MTCH1: variants seen among roughly 807,000 people sequenced by gnomAD.
MTCH1 encodes the protein mitochondrial carrier 1.
MTCH1 carries 23 observed loss-of-function variants against 49.3 expected under a neutral mutation model. That is an observed-to-expected ratio of 0.47 (90% CI 0.34 to 0.66). The LOEUF is 0.66. MTCH1 is among the 30% of genes least tolerant of loss of function. The pLI, the probability that MTCH1 is intolerant of heterozygous loss-of-function variation, is 0.01. For synonymous variants in MTCH1, 229 were observed against 215.2 expected (o/e 1.06, Z -0.56); for missense variants, 397 against 532.1 (o/e 0.75, Z 2.50).
At position 36,977,875 on chromosome 6, in the gene MTCH1, G is replaced by A. The variant is rs1763946430; in HGVS notation, c.592-184C>T. Among the ~76,000 whole-genome samples, 2 of 152,164 alleles carry A rather than the reference G, an allele frequency of 1.3e-5. No homozygotes were observed. The highest frequency in any genetic ancestry group is 2.9e-5 in the Non-Finnish European group (2 of 68,016). ...GTCCCCCACCCAGGAGTGCTGTCGG[G>A]TCCCAGGCTAGGCCCAACAATGGCT... On this transcript the variant is annotated intron_variant, in intron 4 of 11. Coordinates refer to ENST00000373627, the MANE Select transcript of MTCH1 (RefSeq NM_001271641.2). This position sits in a 1 kb window ranked among gnomAD's most constrained non-coding sequence, Gnocchi z 5.4.
chr6:36,969,098 G>T, intron 11 of MTCH1, 124 bp from the exon 12 acceptor site: 1 of 1,455,942 alleles, frequency 6.9e-7, no homozygotes, highest in Non-Finnish European at 9.0e-7. Flanking sequence ...CGGGGTGGAC[G>T]GCCTCGGCCT....
Position 36,972,897 on chromosome 6 carries a change from C to T in MTCH1, c.762-101G>A, listed in dbSNP as rs1763732316. 8.2e-7 allele frequency: 1 copy of T among 1,218,272 alleles called. No individual in the cohort carries two copies. The highest frequency in any genetic ancestry group is 2.3e-5 in the Admixed American group (1 of 43,878). 75.5% of individuals were successfully genotyped at this position (1,218,272 alleles called of 1,614,324 possible). On this transcript the variant is annotated intron_variant, in intron 7 of 11. Transcript: ENST00000373627. This position sits in a 1 kb window ranked among gnomAD's most constrained non-coding sequence, Gnocchi z 4.1. The stretch of plus-strand genomic sequence containing the variant: ...GGCAGGGATGTTCCGAGCTCAAAAT[C>T]TTAGCATATCCAATGGCACAGCCTT...
chr6:36,978,643 C>A (rs776735157), intron 2 of MTCH1, 32 bp from the exon 3 acceptor site: 15 of 1,602,458 alleles, frequency 9.4e-6, no homozygotes, highest in East Asian at 2.2e-5. Flanking sequence ...AGAGGAGTCA[C>A]ACCCAGTTCA....
intron 10 of MTCH1, 122 bp from the exon 11 acceptor site, chr6:36,970,236 A>G: frequency 7.1e-7 from 1 of 1,415,926 alleles, no homozygotes; most frequent in Non-Finnish European, 9.8e-7. Context: ...CTGACACCAC[A>G]GTTTACCCCA....
intron 10 of MTCH1, 139 bp downstream of exon 10, chr6:36,970,267 G>A: frequency 2.1e-6 from 3 of 1,443,278 alleles, no homozygotes; most frequent in African/African-American, 1.4e-5. Flanking sequence ...GGAAATCCCA[G>A]CGGAAGCCAG....
chr6:36,969,422 G>A (rs1763592690), intron 11 of MTCH1: 2 of 1,064,668 alleles, frequency 1.9e-6, no homozygotes, highest in South Asian at 3.0e-5. Context: ...TCACTGCGAG[G>A]CAAATCAAGG....
intron 7 of MTCH1, among the ~76,000 whole-genome samples, chr6:36,974,713 T>C (rs1240454351): frequency 6.6e-6 from 1 of 152,208 alleles, no homozygotes; most frequent in African/African-American, 2.4e-5. Flanking sequence ...CTATATCATA[T>C]ACACACACAT....
chr6:36,977,914 G>A lies in MTCH1; in HGVS notation c.591+164C>T, dbSNP rs1763949707. 6.6e-6 allele frequency among the ~76,000 whole-genome samples: 1 copy of A among 152,152 alleles called. No individual in the cohort carries two copies. Among genetic ancestry groups the A allele is most frequent in the African/African-American group, 2.4e-5 (1 of 41,414 alleles). ...CCAACAATGGCTGAGAAGGCTTTCC[G>A]GGGTTCCCGGCACATCCAGGCCAGG... On this transcript the variant is annotated intron_variant, in intron 4 of 11. Coordinates refer to ENST00000373627, the MANE Select transcript of MTCH1 (RefSeq NM_001271641.2). This position sits in a 1 kb window ranked among gnomAD's most constrained non-coding sequence, Gnocchi z 5.4.
In MTCH1 at chr6:36,978,060, C is replaced by T. The variant is rs1459113996; in HGVS notation, c.591+18G>A. 1.9e-6 allele frequency: 3 copies of T among 1,601,520 alleles called. No homozygotes were observed. The highest frequency in any genetic ancestry group is 2.6e-6 in the Non-Finnish European group (3 of 1,168,572). ...CTCCCCTCCACGCACCTCTCCCTCT[C>T]CAACTCTCAACACCCACCTCCTTCA... On this transcript the variant is annotated intron_variant, in intron 4 of 11. Coordinates refer to ENST00000373627, the MANE Select transcript of MTCH1 (RefSeq NM_001271641.2).
chr6:36,986,186 C>A lies in MTCH1; in HGVS notation c.-13G>T. The A allele has an allele frequency of 7.0e-7, 1 of 1,423,110 alleles. No individual in the cohort carries two copies. The highest frequency in any genetic ancestry group is 1.4e-5 in the South Asian group (1 of 71,264). 88.2% of individuals were successfully genotyped at this position (1,423,110 alleles called of 1,614,324 possible). A position where few individuals can be genotyped will look rare whatever the true frequency, so the allele number is the denominator to read the frequency against. On this transcript the variant is annotated 5_prime_UTR_variant, in exon 1 of 12. Coordinates refer to ENST00000373627, the MANE Select transcript of MTCH1 (RefSeq NM_001271641.2). Reference sequence around the variant, plus strand: ...CCGAAGCTCCCATGGCGCCCGGCGGCGAGGTCACTCCCCGTCACGTGACGG... The same window carrying A: ...CCGAAGCTCCCATGGCGCCCGGCGGAGAGGTCACTCCCCGTCACGTGACGG...
At chr6:36,975,978 T>G (rs1347461035) in intron 6 of MTCH1, among the ~76,000 whole-genome samples, 1 of 152,168 alleles carries the variant, frequency 6.6e-6, no homozygotes, top group African/African-American at 2.4e-5. Context: ...ACTGGTGTTT[T>G]CTGGGAGATA....
chr6:36,980,648 C>T (rs1262430914), intron 2 of MTCH1, among the ~76,000 whole-genome samples: 2 of 152,200 alleles, frequency 1.3e-5, no homozygotes, highest in Non-Finnish European at 2.9e-5. Flanking sequence ...AAGACAGAGG[C>T]CAAGCCCCAA....
At chr6:36,983,253 G>A (rs1764170986) in intron 1 of MTCH1, among the ~76,000 whole-genome samples, 1 of 152,204 alleles carries the variant, frequency 6.6e-6, no homozygotes, top group Non-Finnish European at 1.5e-5. Flanking sequence ...TTCCCTTCTA[G>A]ACCTTTTCCC....
At chr6:36,974,307 C>G (rs891441210) in intron 7 of MTCH1, among the ~76,000 whole-genome samples, 2 of 152,096 alleles carry the variant, frequency 1.3e-5, no homozygotes, top group Non-Finnish European at 2.9e-5. Context: ...CTCAAGCCAT[C>G]CTCCCACCTC....
At chr6:36,978,376 A>C in intron 3 of MTCH1, 129 bp downstream of exon 3, 4 of 977,122 alleles carry the variant, frequency 4.1e-6, no homozygotes, top group Non-Finnish European at 6.2e-6. Flanking sequence ...GAGCTCCCCC[A>C]TGGGGCTGGA....
Position 36,981,648 on chromosome 6 carries a change from T to A in MTCH1, c.346A>T (p.Thr116Ser), listed in dbSNP as rs1561911231. ...CTCCCCAGCACATTGGTCCCAAGGG[T>A]GGGGGGCATCGGCTCATGACCCACC... ...IQVGHEPMPPTLGTNVLGRKV... is the reference protein window; with the variant it reads ...IQVGHEPMPPSLGTNVLGRKV... Residue 116 changes from threonine (T) to serine (S), a missense_variant, in exon 2 of 12, where the codon ACC (threonine) becomes TCC (serine). By Grantham distance (58) the Thr-to-Ser change is moderately conservative. Around this residue, in one of 2 missense-constraint regions of MTCH1, gnomAD observed 252 missense variants for 388.3 expected, o/e 0.65. Coordinates refer to ENST00000373627, the MANE Select transcript of MTCH1 (RefSeq NM_001271641.2). 1 of 1,613,448 alleles carries A rather than the reference T, an allele frequency of 6.2e-7. No homozygotes were observed. Among genetic ancestry groups the A allele is most frequent in the South Asian group, 1.1e-5 (1 of 91,040 alleles).
intron 11 of MTCH1, chr6:36,969,696 T>G: frequency 4.1e-6 from 5 of 1,215,994 alleles, no homozygotes; most frequent in Non-Finnish European, 5.2e-6. Flanking sequence ...CCTCGAATTT[T>G]CAGCCCATGT....
upstream of MTCH1, chr6:36,986,221 C>A: frequency 1.4e-6 from 2 of 1,381,026 alleles, no homozygotes; most frequent in Non-Finnish European, 9.3e-7. Context: ...GGGCCACGCC[C>A]CCTCACCGGC....
rs1203943544 is a variant in MTCH1, at chr6:36,972,383, G to A, written c.906+269C>T. Among the ~76,000 whole-genome samples the A allele has an allele frequency of 6.6e-6, 1 of 152,102 alleles. No homozygotes were observed. Among genetic ancestry groups the A allele is most frequent in the Admixed American group, 6.6e-5 (1 of 15,264 alleles). The stretch of plus-strand genomic sequence containing the variant: ...CTTCCTGAGCCCTAGTTGGGTCACT[G>A]CCTCGGAGCAGCCTTAGATAAGCTG... On this transcript the variant is annotated intron_variant, in intron 8 of 11. Coordinates refer to ENST00000373627, the MANE Select transcript of MTCH1 (RefSeq NM_001271641.2). The surrounding 1 kb of genome is among the most constrained non-coding windows in gnomAD (Gnocchi z 4.1).
Sources: gnomAD v4.1 joint callset for allele counts (sites outside exome capture counted in the v4.1 genomes callset) on GRCh38, gnomAD v4.1.1 for gene constraint, gnomAD v4.1.1 regional missense constraint, Gnocchi (gnomAD v3.1) non-coding constraint, MANE v1.5 for transcripts, NCBI Gene and HGNC (gene_info 2026-07-23, HGNC 2026-07-21) for gene names.